Variants in DAB1 observed in about 807,000 individuals in gnomAD.
DAB1 encodes the protein DAB adaptor protein 1.
Under a neutral mutation model 64.6 loss-of-function variants are expected in DAB1, and 15 were observed. The ratio of observed to expected loss-of-function variants is 0.23; its 90% CI spans 0.16 to 0.36. DAB1 has a LOEUF of 0.36. Among genes scored for constraint, DAB1 ranks in the 10% least tolerant of loss-of-function variants. The pLI is 1.00. For missense variants in DAB1, 596 were observed against 706.7 expected (o/e 0.84, Z 1.78); for synonymous variants, 235 against 251.9 (o/e 0.93, Z 0.64).
chr1:58,071,397 TGTGTGTGTGG>T (rs1553157592), intron 5 of DAB1, among the ~76,000 whole-genome samples: 2 of 145,774 alleles, frequency 1.4e-5, no homozygotes, highest in African/African-American at 5.2e-5. Context: ...TGTGTGTGTG[TGTGTGTGTGG>T]GTGGGGAGAG....
At chr1:58,487,707 T>A (rs1328328637) in intron 3 of DAB1, among the ~76,000 whole-genome samples, 1 of 152,170 alleles carries the variant, frequency 6.6e-6, no homozygotes, top group Admixed American at 6.5e-5. Context: ...TAATTTGTAA[T>A]TTGTAAATTA....
chr1:58,126,660 C>T (rs1653119658), intron 5 of DAB1, among the ~76,000 whole-genome samples: 1 of 149,002 alleles, frequency 6.7e-6, no homozygotes. Flanking sequence ...TTCCTGTGTC[C>T]ATGTGATCTC....
chr1:56,998,885 G>A (rs549470057), intron 14 of DAB1, among the ~76,000 whole-genome samples: 41 of 152,206 alleles, frequency 2.7e-4, no homozygotes, highest in African/African-American at 8.7e-4. Context: ...ACAGCGTTCG[G>A]CCCTATTTAA....
intron 4 of DAB1, among the ~76,000 whole-genome samples, chr1:58,162,567 T>C (rs1476068986): frequency 6.6e-6 from 1 of 152,102 alleles, no homozygotes; most frequent in Non-Finnish European, 1.5e-5. Context: ...GCATTCATAA[T>C]TGCACAGCAT....
At chr1:58,446,883 T>C (rs1645073606) in intron 3 of DAB1, among the ~76,000 whole-genome samples, 1 of 152,204 alleles carries the variant, frequency 6.6e-6, no homozygotes, top group African/African-American at 2.4e-5. Context: ...TAAATTACCA[T>C]GGTGTGCTGG....
At chr1:57,717,907 G>A (rs978563578) in intron 6 of DAB1, among the ~76,000 whole-genome samples, 12 of 150,620 alleles carry the variant, frequency 8.0e-5, no homozygotes, top group East Asian at 3.9e-4. Flanking sequence ...TCATTAATAC[G>A]TAGAATCTTA....
rs11799972 is a variant in DAB1 at position 58,022,859 on chromosome 1, T to C, written n.387+127652A>G. Among the ~76,000 whole-genome samples the C allele has an allele frequency of 9.4e-3, 1,425 of 152,316 alleles. 25 individuals carry two copies. The highest frequency in any genetic ancestry group is 0.032 in the African/African-American group (1,348 of 41,580). ...ATCATCACCGCCAACAATCCCATCA[T>C]CATTCATTATTTATTTTTCTGAATA... On this transcript the variant is annotated intron_variant and non_coding_transcript_variant, in intron 5 of 20. Coordinates refer to the DAB1 transcript ENST00000485760.
intron 7 of DAB1, among the ~76,000 whole-genome samples, chr1:57,617,268 A>C (rs1280608496): frequency 6.6e-6 from 1 of 152,046 alleles, no homozygotes; most frequent in African/African-American, 2.4e-5. Context: ...ATCCATAGCC[A>C]ATGACCAACC....
chr1:58,118,203 A>C (rs1262937806), intron 5 of DAB1, among the ~76,000 whole-genome samples: 1 of 151,132 alleles, frequency 6.6e-6, no homozygotes, highest in Non-Finnish European at 1.5e-5. Flanking sequence ...GGGCCACCGC[A>C]CCCGGTCAGG....
At chr1:57,367,122 T>TAAAATAAAATAAAATAAAATAAAATAAAA (rs1570382070) in intron 1 of DAB1, among the ~76,000 whole-genome samples, 2 of 123,228 alleles carry the variant, frequency 1.6e-5, no homozygotes, top group Non-Finnish European at 3.8e-5. Context: ...ATAAAATAAA[T>TAAAATAAAATAAAATAAAATAAAATAAAA]AAATTAGCCA....
intron 5 of DAB1, among the ~76,000 whole-genome samples, chr1:57,930,926 T>G (rs901773498): frequency 1.3e-5 from 2 of 152,206 alleles, no homozygotes; most frequent in African/African-American, 2.4e-5. Context: ...CATCCTTGTC[T>G]TGTTCCTGAT....
chr1:58,223,309 T>C (rs1659274295), intron 4 of DAB1, among the ~76,000 whole-genome samples: 1 of 152,212 alleles, frequency 6.6e-6, no homozygotes, highest in African/African-American at 2.4e-5. Context: ...AAAATTCTCC[T>C]GTCTCTCAAG....
chr1:58,225,115 GA>G (rs1411712228), intron 4 of DAB1, among the ~76,000 whole-genome samples: 34 of 151,296 alleles, frequency 2.2e-4, no homozygotes, highest in Non-Finnish European at 4.3e-4. Context: ...AAATTTACAA[GA>G]AAAAAACAAA....
intron 5 of DAB1, among the ~76,000 whole-genome samples, chr1:58,148,838 T>C (rs2100728974): frequency 6.6e-6 from 1 of 152,164 alleles, no homozygotes; most frequent in Non-Finnish European, 1.5e-5. Context: ...CACATGAGGA[T>C]TATGGGAGCT....
intron 1 of DAB1, among the ~76,000 whole-genome samples, chr1:58,533,379 T>C (rs1236728890): frequency 6.6e-6 from 1 of 152,208 alleles, no homozygotes; most frequent in Non-Finnish European, 1.5e-5. Context: ...TTCTCTTATA[T>C]AAAATAGTAA....
intron 2 of DAB1, among the ~76,000 whole-genome samples, chr1:57,148,221 C>A (rs1659335268): frequency 6.6e-6 from 1 of 152,038 alleles, no homozygotes; most frequent in Non-Finnish European, 1.5e-5. Context: ...CAGAACTCTG[C>A]CGAGAAAGAA....
intron 6 of DAB1, among the ~76,000 whole-genome samples, chr1:57,696,420 T>C (rs1310236697): frequency 6.6e-6 from 1 of 152,078 alleles, no homozygotes; most frequent in Non-Finnish European, 1.5e-5. Flanking sequence ...TATGAGAAAC[T>C]GTGGGGTTGG....
At chr1:57,088,563 CCCAGATGGGTTT>C (rs1653325701) in intron 4 of DAB1, among the ~76,000 whole-genome samples, 1 of 152,170 alleles carries the variant, frequency 6.6e-6, no homozygotes, top group East Asian at 1.9e-4. Flanking sequence ...ATGCCAGTTA[CCCAGATGGGTTT>C]CACATGGATC....
intron 5 of DAB1, among the ~76,000 whole-genome samples, chr1:57,980,165 T>G (rs542266888): frequency 3.9e-5 from 6 of 152,248 alleles, no homozygotes; most frequent in Admixed American, 6.5e-5. Context: ...TAATGCTATT[T>G]AAAGTTCATG....
Sources: gnomAD v4.1 joint callset for allele counts (sites outside exome capture counted in the v4.1 genomes callset) on GRCh38, gnomAD v4.1.1 for gene constraint, MANE v1.5 for transcripts, NCBI Gene and HGNC (gene_info 2026-07-23, HGNC 2026-07-21) for gene names.